MUCL1: variants seen among roughly 807,000 people sequenced by gnomAD.
MUCL1 encodes the protein mucin like 1.
Under a neutral mutation model 9.2 loss-of-function variants are expected in MUCL1, and 11 were observed. That is an observed-to-expected ratio of 1.19 (90% CI 0.75 to 1.97). The LOEUF is 1.97. Ranked by LOEUF, MUCL1 falls within the 30% of genes most tolerant of loss-of-function variation. The pLI, the probability that MUCL1 is intolerant of heterozygous loss-of-function variation, is 0.00. For synonymous variants in MUCL1, 48 were observed against 40.5 expected, an observed-to-expected ratio of 1.19 and a Z score of -0.71; for missense variants, 144 against 110.9, an observed-to-expected ratio of 1.30 and a Z score of -1.34.
Position 54,858,364 on chromosome 12 carries a change from A to G in MUCL1, c.*122A>G, listed in dbSNP as rs1868316685. On this transcript the variant is annotated 3_prime_UTR_variant, in exon 4 of 4. Coordinates refer to ENST00000308796, the MANE Select transcript of MUCL1 (RefSeq NM_058173.3). ...TCTCTAATCAGTTTATTTTCTTTCA[A>G]ATAAAAAATAACTATGAGCAACATA... is the stretch of plus-strand genomic sequence containing the variant. The G allele has an allele frequency of 1.6e-6, 2 of 1,247,650 alleles. No individual in the cohort carries two copies. The highest frequency in any genetic ancestry group is 1.3e-5 in the South Asian group (1 of 76,896). The allele number at this position is 1,247,650 out of a possible 1,614,324, so 77.3% of individuals were successfully genotyped here.
At chr12:54,838,972 A>G (rs1045783631), upstream of MUCL1, among the ~76,000 whole-genome samples, 2 of 151,870 alleles carry the variant, frequency 1.3e-5, no homozygotes, top group Non-Finnish European at 2.9e-5. Flanking sequence ...AGGTAATGTG[A>G]TCTTCTGGAT....
At chr12:54,837,143 C>T (rs1422556958), upstream of MUCL1, among the ~76,000 whole-genome samples, 1 of 152,030 alleles carries the variant, frequency 6.6e-6, no homozygotes, top group East Asian at 1.9e-4. Flanking sequence ...TGTTGACTTT[C>T]TGCCTCAATG....
chr12:54,832,313 GA>G (rs752628062), intron 1 of MUCL1, among the ~76,000 whole-genome samples: 1 of 152,016 alleles, frequency 6.6e-6, no homozygotes, highest in Non-Finnish European at 1.5e-5. Flanking sequence ...TGGGTGGGGG[GA>G]TTATTGGTTT....
At chr12:54,856,600 G>A (rs185406390) in intron 2 of MUCL1, among the ~76,000 whole-genome samples, 170 bp from the exon 3 acceptor site, 14 of 152,266 alleles carry the variant, frequency 9.2e-5, no homozygotes, top group Admixed American at 8.5e-4. Flanking sequence ...GACAAGACAG[G>A]GAAGGATGAA....
chr12:54,834,711 A>G (rs1959190039), upstream of MUCL1, among the ~76,000 whole-genome samples: 1 of 151,948 alleles, frequency 6.6e-6, no homozygotes, highest in Non-Finnish European at 1.5e-5. Flanking sequence ...TATTCATCCT[A>G]CATGATTGAA....
exon 1 of MUCL1, chr12:54,839,392 G>C (rs1376549873): frequency 1.4e-6 from 1 of 701,912 alleles, no homozygotes; most frequent in South Asian, 1.5e-5. Context: ...AACAGTTCAG[G>C]CTTCTGGCCA....
chr12:54,847,505 C>T (rs1959274535), intron 1 of MUCL1, among the ~76,000 whole-genome samples: 1 of 152,272 alleles, frequency 6.6e-6, no homozygotes, highest in African/African-American at 2.4e-5. Flanking sequence ...ATCCCAGCTA[C>T]TTGGGAGGCT....
At chr12:54,833,494 T>C (rs1457253426) in intron 1 of MUCL1, among the ~76,000 whole-genome samples, 2 of 152,160 alleles carry the variant, frequency 1.3e-5, no homozygotes, top group Admixed American at 1.3e-4. Flanking sequence ...TTTTTCCTTA[T>C]GTCAAACAAA....
chr12:54,844,594 CTAG>C (rs1959232958), intron 1 of MUCL1, among the ~76,000 whole-genome samples: 1 of 152,168 alleles, frequency 6.6e-6, no homozygotes, highest in East Asian at 1.9e-4. Flanking sequence ...TTAACTAGAT[CTAG>C]CAGTTCATTA....
upstream of MUCL1, among the ~76,000 whole-genome samples, chr12:54,836,044 T>G (rs1012251410): frequency 6.6e-5 from 10 of 152,282 alleles, no homozygotes; most frequent in East Asian, 1.7e-3. Context: ...GTAGTTTTCT[T>G]TTTTTGTTGT....
chr12:54,846,526 C>T (rs1258176052), intron 1 of MUCL1, among the ~76,000 whole-genome samples: 1 of 152,090 alleles, frequency 6.6e-6, no homozygotes, highest in African/African-American at 2.4e-5. Context: ...CTTGGGGCAG[C>T]CCTTCAACAT....
chr12:54,845,476 C>T (rs1474956685), intron 1 of MUCL1, among the ~76,000 whole-genome samples: 13 of 152,106 alleles, frequency 8.5e-5, no homozygotes, highest in African/African-American at 3.1e-4. Context: ...GCGACGGTTT[C>T]CTGTCTCTTA....
chr12:54,848,115 G>T (rs928540999), intron 1 of MUCL1, among the ~76,000 whole-genome samples: 2 of 146,762 alleles, frequency 1.4e-5, no homozygotes, highest in Non-Finnish European at 3.0e-5. Flanking sequence ...ACTCAGCTGT[G>T]TGCCCTTGAT....
At chr12:54,841,538 C>T (rs1194970903) in intron 1 of MUCL1, among the ~76,000 whole-genome samples, 1 of 152,142 alleles carries the variant, frequency 6.6e-6, no homozygotes, top group Non-Finnish European at 1.5e-5. Flanking sequence ...AGCCATTCCA[C>T]TAGGTGGGAG....
Position 54,844,451 on chromosome 12 carries a change from T to C in MUCL1, c.43+5004T>C, listed in dbSNP as rs77080860. Among the ~76,000 whole-genome samples the C allele has an allele frequency of 9.4e-3, 1,426 of 152,232 alleles. 19 individuals carry two copies. The highest frequency in any genetic ancestry group is 0.012 in the Non-Finnish European group (840 of 68,024). ...ATAAAATCCTAAGACAGCCTAAGGA[T>C]CTGGCTGAAAGGTGACACTGAATTT... On this transcript the variant is annotated intron_variant, in intron 1 of 3. Coordinates refer to the MUCL1 transcript ENST00000546809.
intron 2 of MUCL1, among the ~76,000 whole-genome samples, chr12:54,856,124 C>G (rs1177399427): frequency 1.3e-5 from 2 of 151,988 alleles, no homozygotes; most frequent in African/African-American, 4.8e-5. Context: ...AATTTTTTTA[C>G]TATCAGAAGT....
intron 1 of MUCL1, among the ~76,000 whole-genome samples, chr12:54,847,687 TGG>T (rs1253740429): frequency 2.0e-5 from 3 of 152,016 alleles, no homozygotes; most frequent in Admixed American, 2.0e-4. Flanking sequence ...CAGGCAATAA[TGG>T]GTATTATGAT....
chr12:54,856,621 A>T, intron 2 of MUCL1, 149 bp from the exon 3 acceptor site: 1 of 1,086,812 alleles, frequency 9.2e-7, no homozygotes, highest in Non-Finnish European at 1.3e-6. Flanking sequence ...GCACAAGGAA[A>T]GTAGGCAGGT....
At chr12:54,837,628 G>A (rs1198386743), upstream of MUCL1, among the ~76,000 whole-genome samples, 2 of 152,094 alleles carry the variant, frequency 1.3e-5, no homozygotes, top group African/African-American at 4.8e-5. Flanking sequence ...AATTAGCCGG[G>A]CGTGGTGGTG....
Sources: allele counts gnomAD v4.1 joint callset (sites outside exome capture counted in the v4.1 genomes callset), GRCh38; gene constraint gnomAD v4.1.1; transcripts MANE v1.5; gene names NCBI Gene and HGNC (gene_info 2026-07-23, HGNC 2026-07-21).